Variants in SLC9A9 observed in about 807,000 individuals in gnomAD.
SLC9A9 encodes the protein solute carrier family 9 member A9.
A neutral mutation model predicts 77.8 loss-of-function variants in SLC9A9; 62 were observed. That is an observed-to-expected ratio of 0.80 (90% CI 0.65 to 0.98). The LOEUF is 0.98. SLC9A9 is among the 50% of genes least tolerant of loss of function. The pLI is 0.00. For missense variants in SLC9A9, 775 were observed against 774.9 expected (o/e 1.00, Z 0.00); for synonymous variants, 320 against 283.5 (o/e 1.13, Z -1.29).
chr3:143,557,457 G>C (rs1208735535), intron 8 of SLC9A9, among the ~76,000 whole-genome samples: 1 of 152,150 alleles, frequency 6.6e-6, no homozygotes, highest in East Asian at 1.9e-4. Context: ...GGTTGGAACA[G>C]TTTGGAGGGC....
chr3:143,706,790 T>C (rs1380980323), intron 4 of SLC9A9, among the ~76,000 whole-genome samples: 3 of 152,238 alleles, frequency 2.0e-5, no homozygotes, highest in African/African-American at 7.2e-5. Flanking sequence ...ATAAACTTTC[T>C]TTAAACATTA....
intron 9 of SLC9A9, among the ~76,000 whole-genome samples, chr3:143,530,256 T>C (rs549348411): frequency 6.6e-6 from 1 of 152,334 alleles, no homozygotes; most frequent in African/African-American, 2.4e-5. Flanking sequence ...GAAGCTCCCA[T>C]GATTCCCACA....
chr3:143,795,886 AC>A (rs1200628681), intron 3 of SLC9A9, among the ~76,000 whole-genome samples: 2 of 152,032 alleles, frequency 1.3e-5, no homozygotes, highest in Non-Finnish European at 2.9e-5. Context: ...CTTAGGGAAA[AC>A]CCCATTCCAG....
chr3:143,778,699 G>A (rs6802306), intron 4 of SLC9A9, among the ~76,000 whole-genome samples: 148 of 152,220 alleles, frequency 9.7e-4, no homozygotes, highest in African/African-American at 3.3e-3. Flanking sequence ...AAAAACCTTC[G>A]GGGAGATTTA....
intron 12 of SLC9A9, among the ~76,000 whole-genome samples, chr3:143,385,748 CA>C (rs1372023814): frequency 3.3e-5 from 5 of 152,170 alleles, no homozygotes; most frequent in African/African-American, 1.2e-4. Context: ...GGTGAGATCA[CA>C]GTATGAAGTC....
At chr3:143,602,973 A>C (rs942303358) in intron 6 of SLC9A9, among the ~76,000 whole-genome samples, 4 of 152,232 alleles carry the variant, frequency 2.6e-5, no homozygotes, top group Admixed American at 1.3e-4. Context: ...TAGTCTATGC[A>C]CAGAAATCTG....
At chr3:143,719,056 G>A (rs547824870) in intron 4 of SLC9A9, among the ~76,000 whole-genome samples, 49 of 152,272 alleles carry the variant, frequency 3.2e-4, no homozygotes, top group Non-Finnish European at 5.7e-4. Context: ...TAAATGGAAC[G>A]TTAACTTCTT....
At chr3:143,757,201 T>C (rs2006954114) in intron 4 of SLC9A9, among the ~76,000 whole-genome samples, 1 of 152,110 alleles carries the variant, frequency 6.6e-6, no homozygotes, top group South Asian at 2.1e-4. Context: ...TGCTTTTCAT[T>C]TCAATAATGT....
chr3:143,768,797 C>A (rs972443235), intron 4 of SLC9A9, among the ~76,000 whole-genome samples: 1 of 152,142 alleles, frequency 6.6e-6, no homozygotes, highest in Admixed American at 6.6e-5. Context: ...CATCCTAATG[C>A]TATTTAATTG....
chr3:143,666,086 T>A (rs945514751), intron 5 of SLC9A9, among the ~76,000 whole-genome samples: 46 of 152,160 alleles, frequency 3.0e-4, no homozygotes, highest in Non-Finnish European at 5.6e-4. Context: ...AAATCCTCAA[T>A]GAAATACTGT....
intron 12 of SLC9A9, among the ~76,000 whole-genome samples, chr3:143,387,629 T>C (rs1186911970): frequency 6.6e-6 from 1 of 152,126 alleles, no homozygotes; most frequent in Non-Finnish European, 1.5e-5. Flanking sequence ...TCACTCCGGG[T>C]TCCTCATTTA....
intron 13 of SLC9A9, among the ~76,000 whole-genome samples, chr3:143,375,767 G>A (rs960261978): frequency 6.6e-6 from 1 of 152,150 alleles, no homozygotes; most frequent in Non-Finnish European, 1.5e-5. Context: ...TATTGTTCAC[G>A]CCTCTGAGAT....
chr3:143,609,673 A>T (rs1430931349), intron 6 of SLC9A9, among the ~76,000 whole-genome samples: 1 of 152,180 alleles, frequency 6.6e-6, no homozygotes, highest in Non-Finnish European at 1.5e-5. Flanking sequence ...TAGATTAGCA[A>T]AGTTACACCC....
At chr3:143,305,531 G>A (rs538762764) in intron 14 of SLC9A9, among the ~76,000 whole-genome samples, 1 of 152,314 alleles carries the variant, frequency 6.6e-6, no homozygotes, top group East Asian at 1.9e-4. Flanking sequence ...TTGTTGCTTT[G>A]TTAAAAATTC....
intron 5 of SLC9A9, among the ~76,000 whole-genome samples, chr3:143,660,272 A>C (rs2038959446): frequency 6.6e-6 from 1 of 152,206 alleles, no homozygotes; most frequent in African/African-American, 2.4e-5. Context: ...AGAGACATGA[A>C]AGAAAGGGAA....
At position 143,265,891 on chromosome 3, in the gene SLC9A9, A is replaced by AG. The variant is rs996313045; in HGVS notation, c.*810dup. 2.8e-4 allele frequency: 168 copies of AG among 603,332 alleles called. 3 individuals carry two copies. Among genetic ancestry groups the AG allele is most frequent in the Admixed American group, 2.1e-3 (77 of 35,980 alleles). 37.4% of individuals were successfully genotyped at this position (603,332 alleles called of 1,614,324 possible). On this transcript the variant is annotated 3_prime_UTR_variant, in exon 16 of 16. Coordinates refer to ENST00000316549, the MANE Select transcript of SLC9A9 (RefSeq NM_173653.4). ...TCCTACCCTCCAGCATATCGCGGGG[A>AG]GGGGGGGACCTGCTGCACAGCCAAG... is the stretch of plus-strand genomic sequence containing the variant.
At chr3:143,430,051 C>A (rs555830681) in intron 12 of SLC9A9, among the ~76,000 whole-genome samples, 3 of 152,268 alleles carry the variant, frequency 2.0e-5, no homozygotes, top group South Asian at 4.1e-4. Flanking sequence ...CAAGCCACAG[C>A]GGCTTGACAG....
At chr3:143,510,583 TC>T (rs2036099861) in intron 9 of SLC9A9, among the ~76,000 whole-genome samples, 1 of 152,220 alleles carries the variant, frequency 6.6e-6, no homozygotes, top group African/African-American at 2.4e-5. Context: ...AATTTTTTCA[TC>T]CGATTCTTAT....
At chr3:143,791,278 T>A (rs2008215911) in intron 4 of SLC9A9, among the ~76,000 whole-genome samples, 2 of 152,228 alleles carry the variant, frequency 1.3e-5, no homozygotes, top group Admixed American at 6.5e-5. Flanking sequence ...AACTTTCCCA[T>A]GCAATATGAA....
Sources: allele counts gnomAD v4.1 joint callset (sites outside exome capture counted in the v4.1 genomes callset), GRCh38; gene constraint gnomAD v4.1.1; transcripts MANE v1.5; gene names NCBI Gene and HGNC (gene_info 2026-07-23, HGNC 2026-07-21).